ALG9: variants seen among roughly 807,000 people sequenced by gnomAD.
ALG9 encodes the protein ALG9 alpha-1,2-mannosyltransferase.
A neutral mutation model predicts 81.8 loss-of-function variants in ALG9; 55 were observed. The observed-to-expected ratio is 0.67, with a 90% CI of 0.54 to 0.84. The LOEUF is 0.84. Among genes scored for constraint, ALG9 ranks in the 40% least tolerant of loss-of-function variants. ALG9 has a pLI of 0.00. For missense variants in ALG9, 629 were observed against 745.0 expected (o/e 0.84, Z 1.81); for synonymous variants, 278 against 274.3 (o/e 1.01, Z -0.13).
At chr11:111,856,293 A>AG (rs1424909424) in intron 6 of ALG9, among the ~76,000 whole-genome samples, 1 of 151,008 alleles carries the variant, frequency 6.6e-6, no homozygotes, top group African/African-American at 2.4e-5. Context: ...AAAAAAAAAA[A>AG]AAAGAAAAAA....
chr11:111,826,455 C>T (rs1399567896), intron 13 of ALG9, among the ~76,000 whole-genome samples: 1 of 151,904 alleles, frequency 6.6e-6, no homozygotes, highest in Non-Finnish European at 1.5e-5. Flanking sequence ...CAGTACCCTC[C>T]TGATTCCCCA....
At position 111,838,416 on chromosome 11, in the gene ALG9, T is replaced by A; in HGVS notation, c.1174-17A>T. ...AAAACTGTGCTGATAAAAGAAAATA[T>A]AATTTGTAGAATATACATAATTACA... On this transcript the variant is annotated splice_polypyrimidine_tract_variant and intron_variant, in intron 10 of 14. Coordinates refer to ENST00000616540, the MANE Select transcript of ALG9 (RefSeq NM_024740.2). 1 of 1,595,992 alleles carries A rather than the reference T, an allele frequency of 6.3e-7. No homozygotes were observed. Among genetic ancestry groups the A allele is most frequent in the Non-Finnish European group, 8.6e-7 (1 of 1,164,750 alleles).
rs1946300049 is a variant in ALG9 at position 111,784,801 on chromosome 11, G to A, written c.*1596C>T. The A allele has an allele frequency of 1.3e-5, 2 of 152,132 alleles. No individual in the cohort carries two copies. Among genetic ancestry groups the A allele is most frequent in the Admixed American group, 1.3e-4 (2 of 15,266 alleles). The allele number at this position is 152,132 out of a possible 1,614,324, so 9.4% of individuals were successfully genotyped here. On this transcript the variant is annotated 3_prime_UTR_variant, in exon 15 of 15. Transcript: ENST00000616540. Reference sequence around the variant, plus strand: ...AGATATTCAGATCAGTTACCCTTAGGGAAATAAGGCACCTATAATGTGACC... The same window carrying A: ...AGATATTCAGATCAGTTACCCTTAGAGAAATAAGGCACCTATAATGTGACC...
chr11:111,779,171 A>T (rs1189689467), downstream of ALG9, among the ~76,000 whole-genome samples: 3 of 151,882 alleles, frequency 2.0e-5, no homozygotes, highest in African/African-American at 7.3e-5. Context: ...TCCATTGGAG[A>T]ACTGCTGCTT....
intron 13 of ALG9, among the ~76,000 whole-genome samples, chr11:111,815,381 A>C (rs1192937288): frequency 1.3e-5 from 2 of 152,144 alleles, no homozygotes; most frequent in Non-Finnish European, 2.9e-5. Flanking sequence ...CCAGCCCAGG[A>C]AACAGAGCAA....
Position 111,809,725 on chromosome 11 carries a change from C to T in ALG9, c.1651G>A (p.Glu551Lys). Reference sequence around the variant, plus strand: ...GAATATTTTGGCTCCCGGGGTGTTTCTCTCATGGTGTCCAAATCCACTAAA... The same window carrying T: ...GAATATTTTGGCTCCCGGGGTGTTTTTCTCATGGTGTCCAAATCCACTAAA... ...HYLVDLDTMR[E>K]TPREPKYSSN... Residue 551 changes from glutamate to lysine, a missense_variant, in exon 14 of 15, where the codon GAA becomes AAA. Coordinates refer to ENST00000616540, the MANE Select transcript of ALG9 (RefSeq NM_024740.2). The T allele has an allele frequency of 6.2e-7, 1 of 1,614,090 alleles. No homozygotes were observed. The highest frequency in any genetic ancestry group is 1.1e-5 in the South Asian group (1 of 91,074).
chr11:111,827,494 T>C (rs201732323), intron 13 of ALG9, among the ~76,000 whole-genome samples: 4 of 77,550 alleles, frequency 5.2e-5, no homozygotes, highest in South Asian at 5.7e-4. Flanking sequence ...TTTCAGCACA[T>C]AGAGACAATA....
At chr11:111,843,607 G>C (rs1420920606) in intron 9 of ALG9, among the ~76,000 whole-genome samples, 2 of 152,146 alleles carry the variant, frequency 1.3e-5, no homozygotes, top group East Asian at 3.8e-4. Flanking sequence ...ATCCAAATCA[G>C]ACTGCAAAGT....
At chr11:111,826,675 T>C (rs186313253) in intron 13 of ALG9, among the ~76,000 whole-genome samples, 6 of 152,328 alleles carry the variant, frequency 3.9e-5, no homozygotes, top group Non-Finnish European at 7.3e-5. Flanking sequence ...GTACTTGATA[T>C]ATCTTGGTAT....
intron 14 of ALG9, among the ~76,000 whole-genome samples, chr11:111,801,966 C>T (rs781871816): frequency 2.6e-5 from 4 of 152,224 alleles, no homozygotes; most frequent in Non-Finnish European, 2.9e-5. Flanking sequence ...TACCAAAGAA[C>T]ACGTGTGATT....
intron 14 of ALG9, among the ~76,000 whole-genome samples, chr11:111,808,715 C>T (rs1555087841): frequency 6.6e-6 from 1 of 152,214 alleles, no homozygotes; most frequent in Non-Finnish European, 1.5e-5. Flanking sequence ...TCTTTTGCTT[C>T]CTTCCAGACC....
At chr11:111,853,545 A>C in intron 7 of ALG9, 60 bp from the exon 8 acceptor site, 1 of 1,575,042 alleles carries the variant, frequency 6.3e-7, no homozygotes, top group Non-Finnish European at 8.7e-7. Context: ...TAATAGGATA[A>C]ACCTGAGAAT....
chr11:111,850,320 G>C (rs1280046665), intron 8 of ALG9, among the ~76,000 whole-genome samples: 3 of 152,114 alleles, frequency 2.0e-5, no homozygotes, highest in African/African-American at 7.2e-5. Flanking sequence ...TTTCCTGTAA[G>C]TCTGGAATAT....
In ALG9 at chr11:111,853,232, T is replaced by C. The variant is rs968504452; in HGVS notation, c.895+148A>G. The C allele has an allele frequency of 1.9e-5, 13 of 699,034 alleles. No individual in the cohort carries two copies. The East Asian group carries it at 3.2e-4, about 17-fold the overall frequency. The allele number at this position is 699,034 out of a possible 1,614,324, so 43.3% of individuals were successfully genotyped here. A position where few individuals can be genotyped will look rare whatever the true frequency, so the allele number is the denominator to read the frequency against. ...GAGTGGCTACGTGTCATCATTGTGC[T>C]ATACTCAGATGTCATTTTTAAATAG... On this transcript the variant is annotated intron_variant, in intron 8 of 14. Transcript: ENST00000616540.
At chr11:111,798,355 G>A (rs1332589801) in intron 14 of ALG9, among the ~76,000 whole-genome samples, 2 of 152,164 alleles carry the variant, frequency 1.3e-5, no homozygotes, top group Non-Finnish European at 2.9e-5. Context: ...ACTTGTTTCC[G>A]AAGCTACAAA....
chr11:111,821,768 T>C (rs996369913), intron 13 of ALG9, among the ~76,000 whole-genome samples: 1 of 152,064 alleles, frequency 6.6e-6, no homozygotes, highest in Non-Finnish European at 1.5e-5. Flanking sequence ...CCTGAGTAGC[T>C]GGGACTACAG....
intron 13 of ALG9, among the ~76,000 whole-genome samples, chr11:111,830,129 C>T: frequency 1.3e-5 from 2 of 152,240 alleles, no homozygotes; most frequent in Non-Finnish European, 2.9e-5. Flanking sequence ...GAATCAGACT[C>T]TCCTAACTTC....
At chr11:111,861,822 T>G (rs1555148225) in intron 4 of ALG9, among the ~76,000 whole-genome samples, 1 of 152,036 alleles carries the variant, frequency 6.6e-6, no homozygotes, top group African/African-American at 2.4e-5. Flanking sequence ...TGTATTTAGC[T>G]CTTGGTCTTA....
At chr11:111,772,698 A>G in the ALG9 span, among the ~76,000 whole-genome samples, 13 of 152,240 alleles carry the variant, frequency 8.5e-5, no homozygotes, top group Non-Finnish European at 1.9e-4. Flanking sequence ...AATACTATCC[A>G]TTAACAGTTT....
Sources: allele counts gnomAD v4.1 joint callset (sites outside exome capture counted in the v4.1 genomes callset), GRCh38; gene constraint gnomAD v4.1.1; transcripts MANE v1.5; gene names NCBI Gene and HGNC (gene_info 2026-07-23, HGNC 2026-07-21).